The following GNAL variants were observed in gnomAD, a reference collection of about 807,000 sequenced individuals.
GNAL encodes guanine nucleotide-binding protein G(olf) subunit alpha.
Under a neutral mutation model 55.1 loss-of-function variants are expected in GNAL, and 18 were observed. That is an observed-to-expected ratio of 0.33 (90% confidence interval 0.23 to 0.48). The LOEUF (loss-of-function observed/expected upper bound fraction) is 0.48, where lower values mean the gene tolerates loss of function less well. Among genes scored for constraint, GNAL ranks in the 20% least tolerant of loss-of-function variants. The pLI is 0.99. For synonymous variants in GNAL, 253 were observed against 237.0 expected (o/e 1.07, Z -0.62); for missense variants, 412 against 614.1 (o/e 0.67, Z 3.48).
intron 10 of GNAL, among the ~76,000 whole-genome samples, chr18:11,873,643 C>T (rs1459770475): frequency 6.6e-6 from 1 of 152,236 alleles, no homozygotes; most frequent in Non-Finnish European, 1.5e-5. Flanking sequence ...CAGTTCATCA[C>T]TGCCTTGCTC....
At chr18:11,789,982 G>T (rs2034182966) in intron 4 of GNAL, among the ~76,000 whole-genome samples, 1 of 152,204 alleles carries the variant, frequency 6.6e-6, no homozygotes, top group African/African-American at 2.4e-5. Flanking sequence ...GTTGAAGAAG[G>T]TCAGACTCAG....
chr18:11,822,994 T>C (rs1467456670), intron 4 of GNAL, among the ~76,000 whole-genome samples: 2 of 152,114 alleles, frequency 1.3e-5, no homozygotes, highest in Non-Finnish European at 2.9e-5. Flanking sequence ...CAATGTAGCA[T>C]GAGTCTATAG....
At chr18:11,706,805 G>T (rs12956538) in intron 1 of GNAL, among the ~76,000 whole-genome samples, 71,887 of 151,956 alleles carry the variant, frequency 0.47, 20,545 homozygotes, top group Non-Finnish European at 0.62. Flanking sequence ...ACATCTTCGG[G>T]CTCCACTTTT....
chr18:11,882,747 A>C lies in GNAL; in HGVS notation c.*1612A>C, dbSNP rs1457642114. 1 of 151,458 alleles carries C rather than the reference A, an allele frequency of 6.6e-6. No individual in the cohort carries two copies. Among genetic ancestry groups the C allele is most frequent in the Non-Finnish European group, 1.5e-5 (1 of 67,906 alleles). The allele number at this position is 151,458 out of a possible 1,614,324, so 9.4% of individuals were successfully genotyped here. A position where few individuals can be genotyped will look rare whatever the true frequency, so the allele number is the denominator to read the frequency against. On this transcript the variant is annotated 3_prime_UTR_variant, in exon 12 of 12. Coordinates refer to ENST00000334049, the MANE Select transcript of GNAL (RefSeq NM_182978.4). ...TTGTGTCTGGCCTAGGAGAATGAGGATGACAGCTTCACTTGCCTTTTGAAG... is the reference window on the plus strand; with the variant it reads ...TTGTGTCTGGCCTAGGAGAATGAGGCTGACAGCTTCACTTGCCTTTTGAAG...
At chr18:11,876,995 A>T (rs1435036436) in intron 11 of GNAL, among the ~76,000 whole-genome samples, 1 of 152,218 alleles carries the variant, frequency 6.6e-6, no homozygotes, top group Non-Finnish European at 1.5e-5. Context: ...AGCGTCCTTC[A>T]GCAGAGTCTA....
intron 5 of GNAL, among the ~76,000 whole-genome samples, chr18:11,849,818 A>T (rs1399097783): frequency 6.6e-6 from 1 of 152,220 alleles, no homozygotes; most frequent in Non-Finnish European, 1.5e-5. Flanking sequence ...TCCCCTCTGA[A>T]ATACAATTAA....
chr18:11,846,492 CAG>C (rs2035744126), intron 5 of GNAL, among the ~76,000 whole-genome samples: 1 of 149,018 alleles, frequency 6.7e-6, no homozygotes, highest in South Asian at 2.1e-4. Context: ...CACACACACA[CAG>C]ACTCACTCTG....
chr18:11,768,106 T>TAG (rs147423071), intron 4 of GNAL, among the ~76,000 whole-genome samples: 21,058 of 152,092 alleles, frequency 0.14, 3,147 homozygotes, highest in African/African-American at 0.38. Context: ...ATGAGTCATG[T>TAG]AGTTTTTCCA....
At chr18:11,776,318 T>G (rs890705756) in intron 4 of GNAL, among the ~76,000 whole-genome samples, 2 of 152,206 alleles carry the variant, frequency 1.3e-5, no homozygotes, top group Non-Finnish European at 2.9e-5. Context: ...CTTCAGAAGT[T>G]TTTTTAATAT....
At chr18:11,800,396 A>G (rs138058238) in intron 4 of GNAL, among the ~76,000 whole-genome samples, 2 of 152,242 alleles carry the variant, frequency 1.3e-5, no homozygotes, top group Non-Finnish European at 2.9e-5. Context: ...GAACATGTAC[A>G]TTGCTTATTA....
intron 9 of GNAL, among the ~76,000 whole-genome samples, chr18:11,869,535 C>G (rs372574469): frequency 6.6e-6 from 1 of 152,300 alleles, no homozygotes; most frequent in South Asian, 2.1e-4. Flanking sequence ...TTCGGCCTTC[C>G]ATATCTTCAG....
intron 5 of GNAL, among the ~76,000 whole-genome samples, chr18:11,840,374 C>G (rs191296495): frequency 3.3e-5 from 5 of 152,282 alleles, no homozygotes; most frequent in Admixed American, 3.3e-4. Flanking sequence ...AATATATCTT[C>G]TAAGATAGAC....
At chr18:11,767,478 G>C (rs1441947369) in intron 4 of GNAL, among the ~76,000 whole-genome samples, 1 of 151,544 alleles carries the variant, frequency 6.6e-6, no homozygotes, top group Non-Finnish European at 1.5e-5. Context: ...TTGCATGCTT[G>C]CTCTTGCTGC....
intron 4 of GNAL, among the ~76,000 whole-genome samples, chr18:11,796,652 C>T (rs1216147058): frequency 6.6e-6 from 1 of 150,412 alleles, no homozygotes; most frequent in African/African-American, 2.5e-5. Context: ...TGCAAACATT[C>T]GGTGATATCC....
chr18:11,735,241 G>A (rs1465068481), intron 1 of GNAL, among the ~76,000 whole-genome samples: 1 of 151,722 alleles, frequency 6.6e-6, no homozygotes, highest in Non-Finnish European at 1.5e-5. Flanking sequence ...GGTAGAGACG[G>A]GGTTTCACCA....
In GNAL at chr18:11,854,323, T is replaced by C. The variant is rs2035953051; in HGVS notation, c.723-8072T>C. ...GTCATACTATTATGAATGTACATTT[T>C]TATGAGTCATAAATATTATTTTCAA... On this transcript the variant is annotated intron_variant, in intron 5 of 11. Transcript: ENST00000334049. 1.8e-5 allele frequency: 3 copies of C among 167,124 alleles called. 1 individual carries two copies. The highest frequency in any genetic ancestry group is 4.1e-4 in the South Asian group (2 of 4,832). The allele number at this position is 167,124 out of a possible 1,614,324, so 10.4% of individuals were successfully genotyped here.
intron 1 of GNAL, among the ~76,000 whole-genome samples, chr18:11,750,135 G>T (rs2032781769): frequency 6.6e-6 from 1 of 152,200 alleles, no homozygotes. Context: ...TCAGGAAACG[G>T]ACCCAACGGG....
chr18:11,831,077 G>A (rs2035372152), intron 5 of GNAL, among the ~76,000 whole-genome samples: 1 of 152,086 alleles, frequency 6.6e-6, no homozygotes, highest in Non-Finnish European at 1.5e-5. Context: ...GCACAATTTT[G>A]TGAATATACT....
intron 4 of GNAL, among the ~76,000 whole-genome samples, chr18:11,795,054 G>C (rs2034342510): frequency 6.6e-6 from 1 of 151,966 alleles, no homozygotes; most frequent in African/African-American, 2.4e-5. Flanking sequence ...TGTTGACCAG[G>C]CTGGTCTTGA....
Sources: allele counts gnomAD v4.1 joint callset (sites outside exome capture counted in the v4.1 genomes callset), GRCh38; gene constraint gnomAD v4.1.1; transcripts MANE v1.5; gene names NCBI Gene and HGNC (gene_info 2026-07-23, HGNC 2026-07-21).